The following WDR20 variants were observed in gnomAD, a reference collection of about 807,000 sequenced individuals.
WDR20 encodes WD repeat-containing protein 20.
Under a neutral mutation model 38.7 loss-of-function variants are expected in WDR20, and 3 were observed. That is an observed-to-expected ratio of 0.08 (90% CI 0.04 to 0.20). The LOEUF (loss-of-function observed/expected upper bound fraction) is 0.20. Ranked by LOEUF, WDR20 falls within the 10% of genes least tolerant of loss-of-function variation. The probability of loss-of-function intolerance (pLI) is 1.00; values close to 1 mark genes in which losing one functional copy is unlikely to be tolerated. For missense variants in WDR20, 559 were observed against 727.7 expected, an observed-to-expected ratio of 0.77 and a Z score of 2.67; for synonymous variants, 298 against 285.6, an observed-to-expected ratio of 1.04 and a Z score of -0.44.
chr14:102,188,919 A>G (rs1424861926), intron 1 of WDR20, among the ~76,000 whole-genome samples: 1 of 150,924 alleles, frequency 6.6e-6, no homozygotes, highest in East Asian at 1.9e-4. Flanking sequence ...AAGGATGAAA[A>G]GTCTAAGGAA....
chr14:102,168,677 A>C (rs2060236520), intron 1 of WDR20, among the ~76,000 whole-genome samples: 1 of 152,208 alleles, frequency 6.6e-6, no homozygotes, highest in Admixed American at 6.5e-5. Context: ...CCATTAGATC[A>C]TTGTAAAAAG....
chr14:102,182,366 T>C (rs1458928783), intron 1 of WDR20, among the ~76,000 whole-genome samples: 2 of 152,216 alleles, frequency 1.3e-5, no homozygotes, highest in East Asian at 3.8e-4. Context: ...GCCTGAATGG[T>C]TGGCTTCTTT....
rs148160096 is a variant in WDR20 at position 102,183,098 on chromosome 14, A to AT, written c.250-11832dup. ...AAAAAAAGAAAGTTGTGCCATGAAC[A>AT]TTTTTTTTAGGTTATTTGAGGATAT... On this transcript the variant is annotated intron_variant, in intron 1 of 2. Coordinates refer to ENST00000342702, the MANE Select transcript of WDR20 (RefSeq NM_144574.4). Among the ~76,000 whole-genome samples, 5 of 151,946 alleles carry AT rather than the reference A, an allele frequency of 3.3e-5. 1 individual carries two copies. Among genetic ancestry groups the AT allele is most frequent in the Admixed American group, 2.6e-4 (4 of 15,228 alleles).
At chr14:102,203,268 C>G (rs775344807) in intron 2 of WDR20, among the ~76,000 whole-genome samples, 3 of 152,126 alleles carry the variant, frequency 2.0e-5, no homozygotes, top group Non-Finnish European at 4.4e-5. Flanking sequence ...ATAGTAAAAA[C>G]CAGGTGAAAT....
At chr14:102,172,506 T>A (rs1471554013) in intron 1 of WDR20, among the ~76,000 whole-genome samples, 1 of 148,238 alleles carries the variant, frequency 6.7e-6, no homozygotes, top group Non-Finnish European at 1.5e-5. Flanking sequence ...GCCCCTCACC[T>A]CCCGGACGGG....
At chr14:102,206,550 A>G (rs1365458559) in intron 2 of WDR20, among the ~76,000 whole-genome samples, 1 of 152,214 alleles carries the variant, frequency 6.6e-6, no homozygotes, top group Non-Finnish European at 1.5e-5. Context: ...TAGAGTAACA[A>G]TGAAGTGATC....
rs575461360 is a variant in WDR20 at position 102,158,486 on chromosome 14, CG to C, written c.249+18318del. 2.2e-3 allele frequency among the ~76,000 whole-genome samples: 331 copies of C among 152,076 alleles called. 3 individuals are homozygous for C. Among genetic ancestry groups the C allele is most frequent in the African/African-American group, 7.7e-3 (321 of 41,438 alleles). On this transcript the variant is annotated intron_variant, in intron 1 of 2. Coordinates refer to ENST00000342702, the MANE Select transcript of WDR20 (RefSeq NM_144574.4). ...CTAATTTTTGTATTTTAAATAGAGACGGGGTTTCACCATGTTGGTCAGGCTG... is the reference window on the plus strand; with the variant it reads ...CTAATTTTTGTATTTTAAATAGAGACGGGTTTCACCATGTTGGTCAGGCTG...
downstream of WDR20, among the ~76,000 whole-genome samples, chr14:102,218,714 C>G (rs542568907): frequency 4.6e-4 from 70 of 151,888 alleles, no homozygotes; most frequent in Non-Finnish European, 8.8e-4. Context: ...GGGAGCCAAG[C>G]AGCTGACTAA....
rs142593504 is a variant in WDR20, at chr14:102,147,945, G to A, written c.249+7773G>A. On this transcript the variant is annotated intron_variant, in intron 1 of 2. Transcript: ENST00000342702. ...GGGGTTTCCCCATGTTGGCCAGGCT[G>A]GCCTTGAACTCCTGACCTCAGGTGA... Among the ~76,000 whole-genome samples the A allele has an allele frequency of 4.6e-3, 693 of 152,284 alleles. 6 individuals are homozygous for A. Among genetic ancestry groups the A allele is most frequent in the African/African-American group, 0.015 (643 of 41,556 alleles).
rs2063812291 is a variant in WDR20, at chr14:102,220,879, C to A, written c.1693-1951C>A. 6.6e-6 allele frequency among the ~76,000 whole-genome samples: 1 copy of A among 152,132 alleles called. No individual in the cohort carries two copies. Among genetic ancestry groups the A allele is most frequent in the South Asian group, 2.1e-4 (1 of 4,830 alleles). On this transcript the variant is annotated intron_variant, in intron 3 of 3. Coordinates refer to the WDR20 transcript ENST00000335263. The surrounding 1 kb of genome is among the most constrained non-coding windows in gnomAD (Gnocchi z 4.2). ...CATCTCCTGGGCTCAAGCCATCCTC[C>A]TGCCACACAGCCTCCTGAGTAGCTG...
chr14:102,199,173 C>T (rs1329900823), intron 2 of WDR20, among the ~76,000 whole-genome samples: 2 of 151,796 alleles, frequency 1.3e-5, no homozygotes, highest in African/African-American at 4.8e-5. Context: ...ATGCTGAGGG[C>T]TCGGACACCA....
rs374597485 is a variant in WDR20, at chr14:102,139,970, A to G, written c.47A>G (p.Gln16Arg). Residue 16 changes from glutamine to arginine, a missense_variant, in exon 1 of 3, where the codon CAA (glutamine) becomes CGA (arginine). Coordinates refer to ENST00000342702, the MANE Select transcript of WDR20 (RefSeq NM_144574.4). The stretch of plus-strand genomic sequence containing the variant: ...AAGGAGATGAACGAGATTAAGACCC[A>G]ATTCACCACCCGGGAAGGTCTGTAC... ...GGKEMNEIKT[Q>R]FTTREGLYKL... 3 of 1,614,166 alleles carry G rather than the reference A, an allele frequency of 1.9e-6. No homozygotes were observed. The highest frequency in any genetic ancestry group is 2.7e-5 in the African/African-American group (2 of 75,046).
intron 1 of WDR20, among the ~76,000 whole-genome samples, chr14:102,173,388 A>G (rs2061371719): frequency 6.6e-6 from 1 of 151,384 alleles, no homozygotes; most frequent in African/African-American, 2.4e-5. Context: ...TGCTGGGATT[A>G]CAGGTGTGTG....
chr14:102,206,719 C>G (rs2061598198), intron 2 of WDR20, among the ~76,000 whole-genome samples: 2 of 152,142 alleles, frequency 1.3e-5, no homozygotes, highest in Admixed American at 1.3e-4. Flanking sequence ...CTGCAGACAC[C>G]CTTAGGCCCT....
intron 1 of WDR20, among the ~76,000 whole-genome samples, chr14:102,175,458 T>C (rs922547784): frequency 1.3e-5 from 2 of 152,206 alleles, no homozygotes; most frequent in Non-Finnish European, 2.9e-5. Context: ...TATAGCCATA[T>C]AGTATAGTGT....
intron 1 of WDR20, among the ~76,000 whole-genome samples, chr14:102,172,743 T>G (rs2061176792): frequency 6.8e-6 from 1 of 148,136 alleles, no homozygotes; most frequent in Non-Finnish European, 1.5e-5. Flanking sequence ...ACGGGGCGGC[T>G]GCCGGGCGGA....
At chr14:102,163,036 A>G (rs1005371450) in intron 1 of WDR20, among the ~76,000 whole-genome samples, 1 of 152,156 alleles carries the variant, frequency 6.6e-6, no homozygotes, top group Non-Finnish European at 1.5e-5. Flanking sequence ...AATCATTGCT[A>G]TGATTTCAAT....
rs755859185 is a variant in WDR20, at chr14:102,222,877, A to G, written c.1740A>G (p.Val580=). ...AGGCCAGTTCTCCAGGTGGAACTGT[A>G]GTGTAGCGACCTCACTGCTGCGCGC... Residue 580 remains valine (V), a synonymous_variant, in exon 4 of 4, where the codon GTA becomes GTG. Coordinates refer to the WDR20 transcript ENST00000335263. This position sits in a 1 kb window ranked among gnomAD's most constrained non-coding sequence, Gnocchi z 4.4. The G allele has an allele frequency of 1.2e-6, 2 of 1,614,046 alleles. No homozygotes were observed. Among genetic ancestry groups the G allele is most frequent in the Admixed American group, 1.7e-5 (1 of 60,004 alleles).
chr14:102,141,514 C>G (rs2051159648), intron 1 of WDR20, among the ~76,000 whole-genome samples: 1 of 151,790 alleles, frequency 6.6e-6, no homozygotes, highest in African/African-American at 2.4e-5. Context: ...TTTGGAATTG[C>G]AAAAGCTCGA....
Sources: allele counts gnomAD v4.1 joint callset (sites outside exome capture counted in the v4.1 genomes callset), GRCh38; gene constraint gnomAD v4.1.1; non-coding constraint Gnocchi (gnomAD v3.1); transcripts MANE v1.5; gene names NCBI Gene and HGNC (gene_info 2026-07-23, HGNC 2026-07-21).